TMEM106B: variants seen among roughly 807,000 people sequenced by gnomAD.
TMEM106B encodes the protein transmembrane protein 106B.
Under a neutral mutation model 31.1 loss-of-function variants are expected in TMEM106B, and 15 were observed. That is an observed-to-expected ratio of 0.48 (90% CI 0.32 to 0.74). The LOEUF (loss-of-function observed/expected upper bound fraction) is 0.74. Ranked by LOEUF, TMEM106B falls within the 30% of genes least tolerant of loss-of-function variation. The probability of loss-of-function intolerance (pLI) is 0.03; values close to 1 mark genes in which losing one functional copy is unlikely to be tolerated. For missense variants in TMEM106B, 283 were observed against 327.3 expected, an observed-to-expected ratio of 0.86 and a Z score of 1.04; for synonymous variants, 126 against 112.5, an observed-to-expected ratio of 1.12 and a Z score of -0.76.
chr7:12,217,609 T>TCTC (rs1387358861), intron 2 of TMEM106B, among the ~76,000 whole-genome samples: 1 of 152,138 alleles, frequency 6.6e-6, no homozygotes, highest in East Asian at 1.9e-4. Context: ...GCCAGATGAA[T>TCTC]ACCACTAAAC....
chr7:12,213,293 GAA>G (rs201303186), intron 1 of TMEM106B, among the ~76,000 whole-genome samples: 1 of 150,750 alleles, frequency 6.6e-6, no homozygotes. Context: ...ACTGTTGAAT[GAA>G]AAAAAAACTG....
At chr7:12,215,732 A>G in intron 2 of TMEM106B, 1 of 218,938 alleles carries the variant, frequency 4.6e-6, no homozygotes, top group East Asian at 1.4e-4. Flanking sequence ...TAATATTTTT[A>G]ATTCATTATC....
chr7:12,214,758 G>C, intron 1 of TMEM106B, 51 bp from the exon 2 acceptor site: 7 of 1,388,046 alleles, frequency 5.0e-6, no homozygotes, highest in Non-Finnish European at 6.9e-6. Flanking sequence ...GAGTGTTCTT[G>C]AATGTACTTT....
At position 12,238,823 on chromosome 7, in the gene TMEM106B, G is replaced by A. The variant is rs2128529791; in HGVS notation, c.*6848G>A. 6.6e-6 allele frequency: 1 copy of A among 152,240 alleles called. No individual in the cohort carries two copies. Among genetic ancestry groups the A allele is most frequent in the African/African-American group, 2.4e-5 (1 of 41,568 alleles). The allele number at this position is 152,240 out of a possible 1,614,324, so 9.4% of individuals were successfully genotyped here. A position where few individuals can be genotyped will look rare whatever the true frequency, so the allele number is the denominator to read the frequency against. ...TATTCAGTGAACCGTGTTGTAAACA[G>A]ATGTCATATTATCCAGACTGTTCCA... On this transcript the variant is annotated 3_prime_UTR_variant, in exon 8 of 8. Coordinates refer to ENST00000396668, the MANE Select transcript of TMEM106B (RefSeq NM_001134232.2).
intron 2 of TMEM106B, among the ~76,000 whole-genome samples, chr7:12,216,000 C>T (rs915806890): frequency 6.6e-6 from 1 of 151,672 alleles, no homozygotes; most frequent in Non-Finnish European, 1.5e-5. Context: ...CTGGAGATAC[C>T]CAGAGGGAAG....
intron 2 of TMEM106B, among the ~76,000 whole-genome samples, chr7:12,216,058 A>G (rs549230376): frequency 2.6e-5 from 4 of 152,322 alleles, no homozygotes; most frequent in East Asian, 3.9e-4. Context: ...AAGATGCTTA[A>G]AATGTATCTT....
chr7:12,232,869 A>G lies in TMEM106B; in HGVS notation c.*894A>G, dbSNP rs184085404. ...CAGTTACAGCTTGGATCTGGCATAA[A>G]ATAAATTTGAAATAAAATATTTTGA... is the stretch of plus-strand genomic sequence containing the variant. On this transcript the variant is annotated 3_prime_UTR_variant, in exon 8 of 8. Transcript: ENST00000396668. The G allele has an allele frequency of 1.3e-5, 2 of 152,036 alleles. No individual in the cohort carries two copies. The highest frequency in any genetic ancestry group is 1.3e-4 in the Admixed American group (2 of 15,250). The allele number at this position is 152,036 out of a possible 1,614,324, so 9.4% of individuals were successfully genotyped here.
intron 1 of TMEM106B, among the ~76,000 whole-genome samples, chr7:12,213,753 C>G (rs1781628155): frequency 6.6e-6 from 1 of 152,062 alleles, no homozygotes; most frequent in African/African-American, 2.4e-5. Context: ...TAATCCTAAT[C>G]CAAAAGGTAT....
chr7:12,219,739 A>G (rs572085129), intron 3 of TMEM106B, among the ~76,000 whole-genome samples: 1 of 152,322 alleles, frequency 6.6e-6, no homozygotes, highest in African/African-American at 2.4e-5. Context: ...TACATTGGAA[A>G]TACAGTCAGG....
At position 12,232,221 on chromosome 7, in the gene TMEM106B, C is replaced by G. The variant is rs911387932; in HGVS notation, c.*246C>G. The G allele has an allele frequency of 3.5e-6, 1 of 289,064 alleles. No individual in the cohort carries two copies. Among genetic ancestry groups the G allele is most frequent in the African/African-American group, 2.1e-5 (1 of 46,826 alleles). The allele number at this position is 289,064 out of a possible 1,614,324, so 17.9% of individuals were successfully genotyped here. ...GGTTGATTTCCTTCTCCAGCCTATCCCCTACAGGGAAAAGCTGATACTTCC... is the reference window on the plus strand; with the variant it reads ...GGTTGATTTCCTTCTCCAGCCTATCGCCTACAGGGAAAAGCTGATACTTCC... On this transcript the variant is annotated 3_prime_UTR_variant, in exon 8 of 8. Transcript: ENST00000396668.
In TMEM106B at chr7:12,235,412, G is replaced by T. The variant is rs749060948; in HGVS notation, c.*3437G>T. 6.6e-6 allele frequency: 1 copy of T among 152,010 alleles called. No individual in the cohort carries two copies. The highest frequency in any genetic ancestry group is 1.5e-5 in the Non-Finnish European group (1 of 67,756). 9.4% of individuals were successfully genotyped at this position (152,010 alleles called of 1,614,324 possible). ...TTTGTGTACAGTTTTTCTGTGCCTT[G>T]TTAGGCCAGTGAAGCAATTATTTTC... On this transcript the variant is annotated 3_prime_UTR_variant, in exon 8 of 8. Transcript: ENST00000396668.
At position 12,232,003 on chromosome 7, in the gene TMEM106B, A is replaced by C. The variant is rs772039314; in HGVS notation, c.*28A>C. 2 of 1,602,830 alleles carry C rather than the reference A, an allele frequency of 1.2e-6. No individual in the cohort carries two copies. The highest frequency in any genetic ancestry group is 1.7e-6 in the Non-Finnish European group (2 of 1,172,090). ...ACTGGAAGAGATGGATTTAAAGAAG[A>C]AATATCTATTGATATTTCCTATACT... On this transcript the variant is annotated 3_prime_UTR_variant, in exon 8 of 8. Transcript: ENST00000396668.
In TMEM106B at chr7:12,224,388, G is replaced by A. The variant is rs375407671; in HGVS notation, c.441+3G>A. The stretch of plus-strand genomic sequence containing the variant: ...GTACAATTTATTTAAATATCACAGT[G>A]AGTATAAATTTATATGAAAAATGTT... On this transcript the variant is annotated splice_donor_region_variant and intron_variant, in intron 4 of 7. Coordinates refer to ENST00000396668, the MANE Select transcript of TMEM106B (RefSeq NM_001134232.2). 2 of 1,601,406 alleles carry A rather than the reference G, an allele frequency of 1.2e-6. No individual in the cohort carries two copies. The highest frequency in any genetic ancestry group is 2.7e-5 in the African/African-American group (2 of 74,546).
rs1284343737 is a variant in TMEM106B, at chr7:12,235,390, G to C, written c.*3415G>C. On this transcript the variant is annotated 3_prime_UTR_variant, in exon 8 of 8. Transcript: ENST00000396668. Reference sequence around the variant, plus strand: ...ACATTTAAATGGCTATATTTTATTTGTGTACAGTTTTTCTGTGCCTTGTTA... The same window carrying C: ...ACATTTAAATGGCTATATTTTATTTCTGTACAGTTTTTCTGTGCCTTGTTA... 6.6e-6 allele frequency: 1 copy of C among 152,122 alleles called. No homozygotes were observed. Among genetic ancestry groups the C allele is most frequent in the Non-Finnish European group, 1.5e-5 (1 of 67,772 alleles). 9.4% of individuals were successfully genotyped at this position (152,122 alleles called of 1,614,324 possible).
At position 12,218,820 on chromosome 7, in the gene TMEM106B, ACT is replaced by A. The variant is rs553418998; in HGVS notation, c.281+301_281+302del. 4.7e-3 allele frequency among the ~76,000 whole-genome samples: 714 copies of A among 152,240 alleles called. 10 individuals are homozygous for A. Among genetic ancestry groups the A allele is most frequent in the South Asian group, 0.03 (143 of 4,816 alleles). ...CATTAAAAATTGGATAATAAGGTGT[ACT>A]CCACAACCCCAGGATAAAAATTGGT... On this transcript the variant is annotated intron_variant, in intron 3 of 7. Coordinates refer to ENST00000396668, the MANE Select transcript of TMEM106B (RefSeq NM_001134232.2).
At chr7:12,224,693 T>C (rs759829875) in intron 4 of TMEM106B, among the ~76,000 whole-genome samples, 4 of 152,214 alleles carry the variant, frequency 2.6e-5, no homozygotes, top group Admixed American at 6.5e-5. Flanking sequence ...GAATAACTTC[T>C]AGCAAAGTGT....
At chr7:12,217,184 A>G (rs1217945833) in intron 2 of TMEM106B, among the ~76,000 whole-genome samples, 1 of 152,176 alleles carries the variant, frequency 6.6e-6, no homozygotes, top group Admixed American at 6.5e-5. Context: ...AAGAACAAAG[A>G]GCTGCTCTTT....
chr7:12,218,724 A>G (rs1781734450), intron 3 of TMEM106B, among the ~76,000 whole-genome samples: 1 of 152,160 alleles, frequency 6.6e-6, no homozygotes. Flanking sequence ...GCAGTATGGT[A>G]TCTTTATCTT....
intron 6 of TMEM106B, 34 bp from the exon 7 acceptor site, chr7:12,231,028 C>G: frequency 6.9e-7 from 1 of 1,453,808 alleles, no homozygotes; most frequent in Non-Finnish European, 9.5e-7. Flanking sequence ...AATGTAGTAA[C>G]TTGCATTTGT....
Sources: gnomAD v4.1 joint callset for allele counts (sites outside exome capture counted in the v4.1 genomes callset) on GRCh38, gnomAD v4.1.1 for gene constraint, MANE v1.5 for transcripts, NCBI Gene and HGNC (gene_info 2026-07-23, HGNC 2026-07-21) for gene names.